Variants in PRMT8 observed in about 807,000 individuals in gnomAD.
PRMT8 encodes the protein protein arginine N-methyltransferase 8.
A neutral mutation model predicts 47.1 loss-of-function variants in PRMT8; 7 were observed. That is an observed-to-expected ratio of 0.15 (90% CI 0.08 to 0.28). The LOEUF is 0.28. PRMT8 is among the 10% of genes least tolerant of loss of function. The probability of loss-of-function intolerance (pLI) is 1.00; values close to 1 mark genes in which losing one functional copy is unlikely to be tolerated. For missense variants in PRMT8, 237 were observed against 505.4 expected, an observed-to-expected ratio of 0.47 and a Z score of 5.09; for synonymous variants, 188 against 186.5, an observed-to-expected ratio of 1.01 and a Z score of -0.07.
Position 3,564,632 on chromosome 12 carries a change from C to A in PRMT8, c.482-4074C>A, listed in dbSNP as rs937671098. On this transcript the variant is annotated intron_variant, in intron 4 of 9. Coordinates refer to ENST00000382622, the MANE Select transcript of PRMT8 (RefSeq NM_019854.5). The surrounding 1 kb of genome is among the most constrained non-coding windows in gnomAD (Gnocchi z 4.0). ...CAGAGTCCTGTCATAGTTCGTTGAA[C>A]AAACTTTCCATCATCCTTCTGGAAT... 1.3e-5 allele frequency among the ~76,000 whole-genome samples: 2 copies of A among 152,214 alleles called. No individual in the cohort carries two copies. The highest frequency in any genetic ancestry group is 4.8e-5 in the African/African-American group (2 of 41,468).
At chr12:3,431,069 A>G (rs1004209370) in intron 1 of PRMT8, among the ~76,000 whole-genome samples, 37 of 152,326 alleles carry the variant, frequency 2.4e-4, no homozygotes, top group African/African-American at 8.4e-4. Flanking sequence ...GACAAGGAAT[A>G]TCCATATCCT....
At chr12:3,448,390 A>C (rs907809038) in intron 1 of PRMT8, among the ~76,000 whole-genome samples, 8 of 152,244 alleles carry the variant, frequency 5.3e-5, no homozygotes, top group African/African-American at 1.9e-4. Flanking sequence ...TTGTATTACA[A>C]ATTTAAATAA....
At chr12:3,454,844 CA>C (rs1481984623) in intron 1 of PRMT8, among the ~76,000 whole-genome samples, 12 of 152,184 alleles carry the variant, frequency 7.9e-5, no homozygotes. Context: ...CTACAGATAA[CA>C]ACTGGAGCAG....
At chr12:3,590,849 A>G (rs1324340885) in intron 8 of PRMT8, among the ~76,000 whole-genome samples, 1 of 152,082 alleles carries the variant, frequency 6.6e-6, no homozygotes, top group Non-Finnish European at 1.5e-5. Flanking sequence ...TCGTAGATCT[A>G]CCAAGCACAG....
intron 9 of PRMT8, 44 bp downstream of exon 9, chr12:3,592,396 C>T (rs1299008917): frequency 6.3e-6 from 10 of 1,580,890 alleles, no homozygotes; most frequent in East Asian, 2.3e-5. Flanking sequence ...AAGGGCCCCA[C>T]AGAGCTGGCT....
At position 3,422,193 on chromosome 12, in the gene PRMT8, T is replaced by C. The variant is rs181899788; in HGVS notation, c.48+40751T>C. Among the ~76,000 whole-genome samples, 330 of 152,336 alleles carry C rather than the reference T, an allele frequency of 2.2e-3. 1 individual carries two copies. Among genetic ancestry groups the C allele is most frequent in the Middle Eastern group, 0.01 (3 of 294 alleles). On this transcript the variant is annotated intron_variant, in intron 1 of 9. Coordinates refer to the PRMT8 transcript ENST00000452611. ...CCCAAGTGCATTTCTAATTGTAGCT[T>C]TTCTTTGGTGCTTGTTATTTCCCAC...
intron 7 of PRMT8, among the ~76,000 whole-genome samples, chr12:3,581,976 C>G (rs945361542): frequency 2.0e-5 from 3 of 152,232 alleles, no homozygotes; most frequent in Non-Finnish European, 2.9e-5. Flanking sequence ...TCTGGTCCCT[C>G]TCTCCTAATT....
intron 1 of PRMT8, among the ~76,000 whole-genome samples, chr12:3,468,403 C>T (rs1865125434): frequency 6.6e-6 from 1 of 152,172 alleles, no homozygotes; most frequent in Non-Finnish European, 1.5e-5. Context: ...AGATTATAGT[C>T]TTGCTTTTTC....
upstream of PRMT8, among the ~76,000 whole-genome samples, chr12:3,489,837 GCGCA>G (rs1555084691): frequency 1.5e-4 from 20 of 137,308 alleles, 1 homozygote; most frequent in East Asian, 4.1e-4. Flanking sequence ...ACACACACGC[GCGCA>G]CACACACACA....
rs761435405 is a variant in PRMT8 at position 3,540,620 on chromosome 12, C to G, written c.90C>G (p.Pro30=). The G allele has an allele frequency of 8.1e-7, 1 of 1,231,766 alleles. No homozygotes were observed. Among genetic ancestry groups the G allele is most frequent in the Non-Finnish European group, 1.2e-6 (1 of 842,266 alleles). 76.3% of individuals were successfully genotyped at this position (1,231,766 alleles called of 1,614,324 possible). A position where few individuals can be genotyped will look rare whatever the true frequency, so the allele number is the denominator to read the frequency against. ...CTTCCCCTCAGGTGAACAGCCCCCC[C>G]TCCCAGCCCCCCCAGCCCGTCGTCC... ...AAESTEVNSP[P]SQPPQPVVPA... is the part of the protein sequence containing the mutation. Residue 30 remains proline, a synonymous_variant, in exon 2 of 10, where the codon CCC becomes CCG. Coordinates refer to ENST00000382622, the MANE Select transcript of PRMT8 (RefSeq NM_019854.5).
In PRMT8 at chr12:3,572,177, A is replaced by G. The variant is rs1866858158; in HGVS notation, c.712+2613A>G. ...GCCCTCCATTTGCTCACCAATGAAT[A>G]GAGACCACATAGAGACAGAGATAAA... On this transcript the variant is annotated intron_variant, in intron 6 of 9. Transcript: ENST00000382622. This position sits in a 1 kb window ranked among gnomAD's most constrained non-coding sequence, Gnocchi z 5.9. 6.6e-6 allele frequency among the ~76,000 whole-genome samples: 1 copy of G among 152,186 alleles called. No homozygotes were observed. The highest frequency in any genetic ancestry group is 2.4e-5 in the African/African-American group (1 of 41,434).
chr12:3,472,756 G>T (rs943347334), intron 1 of PRMT8, among the ~76,000 whole-genome samples: 2 of 152,092 alleles, frequency 1.3e-5, no homozygotes, highest in Non-Finnish European at 2.9e-5. Context: ...GCTTGACTGT[G>T]GTGGAGAGAG....
chr12:3,416,087 C>T (rs1016937039), intron 1 of PRMT8, among the ~76,000 whole-genome samples: 19 of 152,168 alleles, frequency 1.2e-4, no homozygotes, highest in South Asian at 4.1e-4. Context: ...GTGTCTATGA[C>T]GCCTTTCTAG....
At chr12:3,438,397 C>T (rs142092264) in intron 1 of PRMT8, among the ~76,000 whole-genome samples, 1,580 of 152,336 alleles carry the variant, frequency 0.01, 13 homozygotes, top group Non-Finnish European at 0.017. Context: ...GGGGTCGGGC[C>T]GTCAGCCTTG....
At chr12:3,395,788 A>T (rs1864242903) in intron 1 of PRMT8, among the ~76,000 whole-genome samples, 1 of 151,454 alleles carries the variant, frequency 6.6e-6, no homozygotes, top group Admixed American at 6.6e-5. Flanking sequence ...TGTCTCGTTG[A>T]TCTGTCTAAT....
chr12:3,427,039 G>A (rs1391419157), intron 1 of PRMT8, among the ~76,000 whole-genome samples: 5 of 152,202 alleles, frequency 3.3e-5, no homozygotes, highest in Middle Eastern at 3.4e-3. Flanking sequence ...TAAATGTGGG[G>A]ACATCAGCAG....
chr12:3,480,282 T>C (rs1347187708), intron 1 of PRMT8, among the ~76,000 whole-genome samples: 1 of 152,222 alleles, frequency 6.6e-6, no homozygotes, highest in East Asian at 1.9e-4. Flanking sequence ...TAGGGTTGGT[T>C]ATTCTTGAGG....
chr12:3,553,729 T>G lies in PRMT8; in HGVS notation c.481+15T>G. On this transcript the variant is annotated intron_variant, in intron 4 of 9. Transcript: ENST00000382622. ...CTTGGACAACAGTAAGACATACCTC[T>G]GAGTGTTTTCTCCTGGATGGAGGGG... The G allele has an allele frequency of 1.3e-6, 2 of 1,567,280 alleles. No homozygotes were observed. Among genetic ancestry groups the G allele is most frequent in the Non-Finnish European group, 8.8e-7 (1 of 1,137,592 alleles).
At chr12:3,401,691 C>G (rs1272530933) in intron 1 of PRMT8, among the ~76,000 whole-genome samples, 1 of 152,092 alleles carries the variant, frequency 6.6e-6, no homozygotes, top group African/African-American at 2.4e-5. Flanking sequence ...AACACGCAAG[C>G]AGAGAGCCAA....
Sources: gnomAD v4.1 joint callset for allele counts (sites outside exome capture counted in the v4.1 genomes callset) on GRCh38, gnomAD v4.1.1 for gene constraint, Gnocchi (gnomAD v3.1) non-coding constraint, MANE v1.5 for transcripts, NCBI Gene and HGNC (gene_info 2026-07-23, HGNC 2026-07-21) for gene names.